KIF6: variants seen among roughly 807,000 people sequenced by gnomAD.
The protein encoded by KIF6 is kinesin family member 6.
A neutral mutation model predicts 112.7 loss-of-function variants in KIF6; 106 were observed. The observed-to-expected ratio is 0.94, with a 90% CI of 0.80 to 1.11. The LOEUF is 1.11. Among genes scored for constraint, KIF6 ranks in the 50% least tolerant of loss-of-function variants. The pLI is 0.00. For missense variants in KIF6, 929 were observed against 964.0 expected, an observed-to-expected ratio of 0.96 and a Z score of 0.48; for synonymous variants, 339 against 339.9, an observed-to-expected ratio of 1.00 and a Z score of 0.03.
chr6:39,345,460 A>T (rs914304211), intron 21 of KIF6, among the ~76,000 whole-genome samples: 6 of 152,306 alleles, frequency 3.9e-5, no homozygotes, highest in African/African-American at 1.2e-4. Flanking sequence ...TCACAAGAAG[A>T]TATGAAACAA....
At chr6:39,495,397 CCT>C (rs1775726550) in intron 13 of KIF6, among the ~76,000 whole-genome samples, 1 of 152,206 alleles carries the variant, frequency 6.6e-6, no homozygotes, top group African/African-American at 2.4e-5. Context: ...GTGGGAACTT[CCT>C]CAGCAGCATC....
At chr6:39,456,356 A>T (rs1362635467) in intron 13 of KIF6, among the ~76,000 whole-genome samples, 1 of 129,198 alleles carries the variant, frequency 7.7e-6, no homozygotes, top group African/African-American at 3.0e-5. Flanking sequence ...GCCCTAAAAG[A>T]GCTCCTGAAG....
chr6:39,664,202 A>C (rs2150817998), intron 3 of KIF6, among the ~76,000 whole-genome samples: 1 of 152,248 alleles, frequency 6.6e-6, no homozygotes, highest in South Asian at 2.1e-4. Context: ...AGAGAGTTCA[A>C]GCTTGGTGTT....
intron 13 of KIF6, among the ~76,000 whole-genome samples, chr6:39,461,738 T>C (rs1313767907): frequency 2.0e-5 from 3 of 152,278 alleles, no homozygotes; most frequent in East Asian, 1.9e-4. Context: ...GTTTTATAAA[T>C]TTACAAGTGT....
intron 3 of KIF6, among the ~76,000 whole-genome samples, chr6:39,640,064 G>T (rs1784826975): frequency 6.6e-6 from 1 of 151,832 alleles, no homozygotes; most frequent in South Asian, 2.1e-4. Context: ...AAAAGTTCTG[G>T]GGAAACAATA....
chr6:39,428,027 A>AT (rs972505163), intron 14 of KIF6, among the ~76,000 whole-genome samples: 1 of 152,126 alleles, frequency 6.6e-6, no homozygotes, highest in African/African-American at 2.4e-5. Context: ...TCACTTGGTA[A>AT]TTTTTTTCTA....
At position 39,343,493 on chromosome 6, in the gene KIF6, AC is replaced by A; in HGVS notation, c.2428+215del. The A allele has an allele frequency of 2.0e-6, 3 of 1,495,612 alleles. No individual in the cohort carries two copies. The Admixed American group carries it at 6.1e-5, about 30-fold the overall frequency. The allele number at this position is 1,495,612 out of a possible 1,614,324, so 92.6% of individuals were successfully genotyped here. A position where few individuals can be genotyped will look rare whatever the true frequency, so the allele number is the denominator to read the frequency against. On this transcript the variant is annotated intron_variant, in intron 22 of 22. Coordinates refer to ENST00000287152, the MANE Select transcript of KIF6 (RefSeq NM_145027.6). The surrounding 1 kb of genome is among the most constrained non-coding windows in gnomAD (Gnocchi z 4.1). ...AGGGACAGGAGCACCTGGGCCGCCC[AC>A]CCACTTGGGCCTGTCTTGGTGTTTC...
At chr6:39,626,894 CCTTT>C (rs1784122658) in intron 5 of KIF6, among the ~76,000 whole-genome samples, 1 of 152,058 alleles carries the variant, frequency 6.6e-6, no homozygotes, top group Non-Finnish European at 1.5e-5. Context: ...CAATTTAGTT[CCTTT>C]GTTTTTTTAC....
rs575406138 is a variant in KIF6 at position 39,518,343 on chromosome 6, G to A, written c.1645+21660C>T. Among the ~76,000 whole-genome samples, 178 of 152,328 alleles carry A rather than the reference G, an allele frequency of 1.2e-3. 1 individual carries two copies. The highest frequency in any genetic ancestry group is 0.01 in the Middle Eastern group (3 of 294). ...TGTACACACACATGCTTGCACAGCTGTGACTGAAGCAATTTAGAGTTACTC... is the reference window on the plus strand; with the variant it reads ...TGTACACACACATGCTTGCACAGCTATGACTGAAGCAATTTAGAGTTACTC... On this transcript the variant is annotated intron_variant, in intron 13 of 22. Coordinates refer to ENST00000287152, the MANE Select transcript of KIF6 (RefSeq NM_145027.6).
chr6:39,692,648 T>C (rs1442934572), intron 3 of KIF6, among the ~76,000 whole-genome samples: 1 of 152,206 alleles, frequency 6.6e-6, no homozygotes, highest in African/African-American at 2.4e-5. Flanking sequence ...GGTTATATCA[T>C]TGAGATACTT....
chr6:39,610,904 TAAAC>T (rs1459941553), intron 6 of KIF6, among the ~76,000 whole-genome samples: 1 of 151,886 alleles, frequency 6.6e-6, no homozygotes, highest in East Asian at 1.9e-4. Context: ...ATAGGAAAAA[TAAAC>T]AAATTAAACA....
chr6:39,698,831 A>G (rs1274323409), intron 3 of KIF6, among the ~76,000 whole-genome samples: 2 of 152,254 alleles, frequency 1.3e-5, no homozygotes, highest in Non-Finnish European at 2.9e-5. Flanking sequence ...CTATTTAATT[A>G]GCACACATTC....
At chr6:39,555,170 A>T (rs1336998773) in intron 10 of KIF6, among the ~76,000 whole-genome samples, 1 of 152,050 alleles carries the variant, frequency 6.6e-6, no homozygotes. Context: ...CATGAAGCCA[A>T]AGTGTTTGCC....
intron 16 of KIF6, among the ~76,000 whole-genome samples, chr6:39,373,731 C>A (rs79721525): frequency 0.069 from 10,489 of 151,678 alleles, 610 homozygotes; most frequent in African/African-American, 0.16. Flanking sequence ...TGGAAAAAAA[C>A]CACAGATAAA....
chr6:39,452,890 CTA>C (rs1314498987), intron 13 of KIF6, among the ~76,000 whole-genome samples: 1 of 152,214 alleles, frequency 6.6e-6, no homozygotes, highest in African/African-American at 2.4e-5. Flanking sequence ...TCCTATAATG[CTA>C]TGATTCTTGG....
intron 13 of KIF6, among the ~76,000 whole-genome samples, chr6:39,434,682 C>T (rs1000726281): frequency 1.3e-5 from 2 of 151,898 alleles, no homozygotes; most frequent in Non-Finnish European, 2.9e-5. Flanking sequence ...GTCCAGCATG[C>T]GGGAGAGGGA....
chr6:39,483,356 CT>C (rs1774922670), intron 13 of KIF6, among the ~76,000 whole-genome samples: 1 of 152,162 alleles, frequency 6.6e-6, no homozygotes, highest in Non-Finnish European at 1.5e-5. Context: ...TGTGATTTTC[CT>C]GAAGTCCCTT....
chr6:39,539,926 A>T (rs911208872), intron 13 of KIF6, 77 bp downstream of exon 13: 1 of 1,017,838 alleles, frequency 9.8e-7, no homozygotes, highest in African/African-American at 1.6e-5. Flanking sequence ...CTTCATCCTG[A>T]TACATGTAAA....
chr6:39,495,721 C>G (rs893654880), intron 13 of KIF6, among the ~76,000 whole-genome samples: 1 of 152,056 alleles, frequency 6.6e-6, no homozygotes, highest in African/African-American at 2.4e-5. Flanking sequence ...GACTTTTTTA[C>G]GGGGAGGATG....
Sources: gnomAD v4.1 joint callset for allele counts (sites outside exome capture counted in the v4.1 genomes callset) on GRCh38, gnomAD v4.1.1 for gene constraint, Gnocchi (gnomAD v3.1) non-coding constraint, MANE v1.5 for transcripts, NCBI Gene and HGNC (gene_info 2026-07-23, HGNC 2026-07-21) for gene names.